The following FKBP5 variants were observed in gnomAD, a reference collection of about 807,000 sequenced individuals.
FKBP5 encodes the protein peptidyl-prolyl cis-trans isomerase FKBP5.
FKBP5 carries 23 observed loss-of-function variants against 50.5 expected under a neutral mutation model. That is an observed-to-expected ratio of 0.46 (90% CI 0.33 to 0.65). The LOEUF is 0.65. Among genes scored for constraint, FKBP5 ranks in the 30% least tolerant of loss-of-function variants. The pLI is 0.02. For missense variants in FKBP5, 411 were observed against 553.1 expected (o/e 0.74, Z 2.58); for synonymous variants, 176 against 190.6 (o/e 0.92, Z 0.63).
chr6:35,628,889 G>T (rs1403237433), intron 3 of FKBP5, among the ~76,000 whole-genome samples: 1 of 152,094 alleles, frequency 6.6e-6, no homozygotes, highest in Non-Finnish European at 1.5e-5. Flanking sequence ...GCTAATTTTT[G>T]TATTTGTAGT....
At chr6:35,630,685 G>T (rs572784266) in intron 3 of FKBP5, among the ~76,000 whole-genome samples, 53 of 152,298 alleles carry the variant, frequency 3.5e-4, no homozygotes, top group Non-Finnish European at 6.8e-4. Context: ...ACCTGGATTT[G>T]AATCCTGGCT....
chr6:35,620,412 G>T, intron 3 of FKBP5, 138 bp from the exon 4 acceptor site: 1 of 785,244 alleles, frequency 1.3e-6, no homozygotes, highest in Non-Finnish European at 2.0e-6. Flanking sequence ...ATGACAGAGT[G>T]CTACATACAA....
intron 1 of FKBP5, among the ~76,000 whole-genome samples, chr6:35,678,552 T>A (rs1765584888): frequency 6.6e-6 from 1 of 152,222 alleles, no homozygotes; most frequent in South Asian, 2.1e-4. Context: ...TTTATTCTAA[T>A]GAAAAGCATA....
intron 2 of FKBP5, among the ~76,000 whole-genome samples, chr6:35,701,087 T>C (rs939679217): frequency 2.0e-5 from 3 of 152,106 alleles, no homozygotes; most frequent in African/African-American, 7.2e-5. Flanking sequence ...GGAACATAAT[T>C]TGCATATGAA....
chr6:35,643,946 T>C (rs961686375), intron 1 of FKBP5, among the ~76,000 whole-genome samples: 3 of 152,212 alleles, frequency 2.0e-5, no homozygotes, highest in African/African-American at 4.8e-5. Context: ...GCAAGGAATT[T>C]GTAATGGAAT....
At chr6:35,686,967 A>G (rs1010494016) in intron 1 of FKBP5, among the ~76,000 whole-genome samples, 4 of 152,234 alleles carry the variant, frequency 2.6e-5, no homozygotes, top group Admixed American at 6.5e-5. Flanking sequence ...AGACCACTAT[A>G]TTCTTTTTAA....
At chr6:35,705,322 A>G (rs1472977890) in intron 2 of FKBP5, among the ~76,000 whole-genome samples, 6 of 127,224 alleles carry the variant, frequency 4.7e-5, no homozygotes, top group Non-Finnish European at 8.1e-5. Flanking sequence ...GCTGGAGTGC[A>G]ATGGCGTGAT....
chr6:35,707,358 A>G (rs1194761588), intron 2 of FKBP5, among the ~76,000 whole-genome samples: 1 of 151,514 alleles, frequency 6.6e-6, no homozygotes, highest in South Asian at 2.1e-4. Flanking sequence ...CTGGGATTAC[A>G]GGCATGCACC....
At chr6:35,671,930 G>A (rs1339519427) in intron 1 of FKBP5, among the ~76,000 whole-genome samples, 6 of 151,494 alleles carry the variant, frequency 4.0e-5, no homozygotes, top group Non-Finnish European at 7.4e-5. Context: ...GTGCAGTGGC[G>A]CGATCTCGGC....
intron 3 of FKBP5, among the ~76,000 whole-genome samples, chr6:35,627,864 C>T (rs144924910): frequency 0.027 from 4,085 of 150,994 alleles, 166 homozygotes; most frequent in African/African-American, 0.093. Flanking sequence ...CGGGTTCAAG[C>T]GATTCTCCTG....
At chr6:35,666,717 C>T (rs1420052771) in intron 1 of FKBP5, among the ~76,000 whole-genome samples, 1 of 151,820 alleles carries the variant, frequency 6.6e-6, no homozygotes, top group Non-Finnish European at 1.5e-5. Context: ...AGTGAAACCC[C>T]GTCTCTACTA....
intron 5 of FKBP5, among the ~76,000 whole-genome samples, chr6:35,617,180 A>C (rs778467337): frequency 4.6e-5 from 7 of 152,192 alleles, no homozygotes; most frequent in Admixed American, 6.5e-5. Flanking sequence ...GGGATAAATA[A>C]TATTTGTAAC....
At chr6:35,712,176 C>G (rs1426322493) in intron 2 of FKBP5, among the ~76,000 whole-genome samples, 1 of 151,976 alleles carries the variant, frequency 6.6e-6, no homozygotes, top group Non-Finnish European at 1.5e-5. Context: ...CACACCTGGC[C>G]TCTCTGTATT....
At chr6:35,605,892 CCT>C in intron 5 of FKBP5, among the ~76,000 whole-genome samples, 1 of 152,320 alleles carries the variant, frequency 6.6e-6, no homozygotes, top group East Asian at 1.9e-4. Flanking sequence ...CAGACGTCTA[CCT>C]CTCACCATAT....
Position 35,619,085 on chromosome 6 carries a change from T to G in FKBP5, c.508+11A>C, listed in dbSNP as rs1371505008. 4 of 1,586,796 alleles carry G rather than the reference T, an allele frequency of 2.5e-6. No homozygotes were observed. The highest frequency in any genetic ancestry group is 3.5e-6 in the Non-Finnish European group (4 of 1,156,006). ...TTTTAAGGACTAGTTCCCTCTTACT[T>G]TAATACTTACTTTCTACTGTTGCTC... On this transcript the variant is annotated intron_variant, in intron 5 of 10. Coordinates refer to ENST00000357266, the MANE Select transcript of FKBP5 (RefSeq NM_004117.4).
intron 5 of FKBP5, among the ~76,000 whole-genome samples, chr6:35,615,617 T>C (rs1297312096): frequency 6.6e-6 from 1 of 152,116 alleles, no homozygotes; most frequent in African/African-American, 2.4e-5. Flanking sequence ...ATAAACTGAA[T>C]AAATATACAG....
At chr6:35,581,294 A>T in intron 8 of FKBP5, 1 of 437,996 alleles carries the variant, frequency 2.3e-6, no homozygotes, top group Non-Finnish European at 3.0e-6. Flanking sequence ...TAATATATAT[A>T]TATATACATG....
chr6:35,695,911 A>C (rs1161968326), intron 2 of FKBP5, among the ~76,000 whole-genome samples: 1 of 148,546 alleles, frequency 6.7e-6, no homozygotes, highest in Non-Finnish European at 1.5e-5. Context: ...TTGGGAGGCT[A>C]AGGTGGGAGG....
intron 3 of FKBP5, among the ~76,000 whole-genome samples, chr6:35,631,732 G>C (rs1444448719): frequency 2.0e-5 from 3 of 152,034 alleles, no homozygotes; most frequent in African/African-American, 7.2e-5. Flanking sequence ...CGAGGTGGGT[G>C]GATCACGAGG....
Sources: allele counts gnomAD v4.1 joint callset (sites outside exome capture counted in the v4.1 genomes callset), GRCh38; gene constraint gnomAD v4.1.1; transcripts MANE v1.5; gene names NCBI Gene and HGNC (gene_info 2026-07-23, HGNC 2026-07-21).